VAV1: variants seen among roughly 807,000 people sequenced by gnomAD.
VAV1 encodes proto-oncogene vav.
VAV1 carries 33 observed loss-of-function variants against 128.1 expected under a neutral mutation model. That is an observed-to-expected ratio of 0.26 (90% CI 0.20 to 0.34). The LOEUF is 0.34. Among genes scored for constraint, VAV1 ranks in the 10% least tolerant of loss-of-function variants. VAV1 has a pLI of 1.00. For missense variants in VAV1, 715 were observed against 1,093.7 expected (o/e 0.65, Z 4.88); for synonymous variants, 394 against 409.8 (o/e 0.96, Z 0.47).
Position 6,854,066 on chromosome 19 carries a change from C to A in VAV1, c.2452C>A (p.Gln818Lys). Reference sequence around the variant, plus strand: ...CAAGATCCTTAACAAGAAGGGACAGCAAGGCTGGTGGCGAGGGGAGATCTA... The same window carrying A: ...CAAGATCCTTAACAAGAAGGGACAGAAAGGCTGGTGGCGAGGGGAGATCTA... ...IIKILNKKGQQGWWRGEIYGR... is the reference protein window; with the variant it reads ...IIKILNKKGQKGWWRGEIYGR... The change falls in exon 26 of 27, where the codon CAA becomes AAA. Residue 818 changes from glutamine to lysine, a missense_variant. Transcript: ENST00000602142. The A allele has an allele frequency of 6.2e-7, 1 of 1,613,684 alleles. No individual in the cohort carries two copies. The highest frequency in any genetic ancestry group is 8.5e-7 in the Non-Finnish European group (1 of 1,180,012).
intron 1 of VAV1, among the ~76,000 whole-genome samples, chr19:6,782,711 C>G (rs891483973): frequency 2.0e-5 from 3 of 152,002 alleles, no homozygotes; most frequent in African/African-American, 4.8e-5. Flanking sequence ...AGATCCCCAT[C>G]TCTACAAAAT....
At position 6,820,779 on chromosome 19, in the gene VAV1, C is replaced by T. The variant is rs760345050; in HGVS notation, c.282C>T (p.Phe94=). The T allele has an allele frequency of 3.6e-5, 58 of 1,614,078 alleles. No homozygotes were observed. The highest frequency in any genetic ancestry group is 4.2e-5 in the Non-Finnish European group (50 of 1,180,038). ...TCGGCCTCAAGCGGAGCGAGCTCTT[C>T]GAAGCCTTTGACCTCTTCGATGTGC... ...EKFGLKRSEL[F]EAFDLFDVQD... The change falls in exon 2 of 27, where the codon TTC becomes TTT. Residue 94 remains phenylalanine, a synonymous_variant. Coordinates refer to ENST00000602142, the MANE Select transcript of VAV1 (RefSeq NM_005428.4). The surrounding 1 kb of genome is among the most constrained non-coding windows in gnomAD (Gnocchi z 4.4).
In VAV1 at chr19:6,826,561, C is replaced by T. The variant is rs1599659852; in HGVS notation, c.828-51C>T. On this transcript the variant is annotated intron_variant, in intron 8 of 26. Coordinates refer to ENST00000602142, the MANE Select transcript of VAV1 (RefSeq NM_005428.4). This position sits in a 1 kb window ranked among gnomAD's most constrained non-coding sequence, Gnocchi z 4.1. ...GGCCAGGGCTGACGCCAGCCTCTGC[C>T]CGACCTTGATGCCAGTCACCTTTAC... 1 of 1,438,762 alleles carries T rather than the reference C, an allele frequency of 7.0e-7. No individual in the cohort carries two copies. The highest frequency in any genetic ancestry group is 9.5e-7 in the Non-Finnish European group (1 of 1,047,534). 89.1% of individuals were successfully genotyped at this position (1,438,762 alleles called of 1,614,324 possible).
chr19:6,851,126 A>G (rs908939377), intron 24 of VAV1, among the ~76,000 whole-genome samples: 5 of 151,922 alleles, frequency 3.3e-5, no homozygotes, highest in African/African-American at 1.2e-4. Flanking sequence ...TGTAGGGTAC[A>G]TGTATATACG....
chr19:6,775,966 G>C (rs1970611147), intron 1 of VAV1, among the ~76,000 whole-genome samples: 1 of 152,026 alleles, frequency 6.6e-6, no homozygotes, highest in African/African-American at 2.4e-5. Context: ...TGTTTCTTGG[G>C]AAGAGGGTGG....
chr19:6,848,986 G>T (rs1972597365), intron 23 of VAV1, among the ~76,000 whole-genome samples: 1 of 150,838 alleles, frequency 6.6e-6, no homozygotes, highest in African/African-American at 2.4e-5. Flanking sequence ...TAGAGACGAG[G>T]GTCTCTCCTT....
At chr19:6,833,798 A>T in intron 18 of VAV1, 65 bp downstream of exon 18, 1 of 1,613,882 alleles carries the variant, frequency 6.2e-7, no homozygotes, top group Non-Finnish European at 8.5e-7. Flanking sequence ...GGGAGGACCC[A>T]GGACATCCTG....
chr19:6,781,477 T>A (rs1970764865), intron 1 of VAV1, among the ~76,000 whole-genome samples: 1 of 152,214 alleles, frequency 6.6e-6, no homozygotes, highest in Non-Finnish European at 1.5e-5. Flanking sequence ...TTTCTCTTAT[T>A]CTGAGTGAAG....
chr19:6,836,506 C>T lies in VAV1; in HGVS notation c.1852C>T (p.Arg618Trp), dbSNP rs751523777. Reference sequence around the variant, plus strand: ...CCCTGGAGCCATTGGACCCTTTCTACGGCTCAACCCTGGAGACATTGTGGA... The same window carrying T: ...CCCTGGAGCCATTGGACCCTTTCTATGGCTCAACCCTGGAGACATTGTGGA... ...PPPGAIGPFL[R>W]LNPGDIVELT... Residue 618 changes from arginine to tryptophan, a missense_variant, in exon 20 of 27, where the codon CGG becomes TGG. Physicochemically the swap from Arg to Trp is moderately radical, Grantham distance 101. Transcript: ENST00000602142. The T allele has an allele frequency of 1.4e-5, 23 of 1,613,942 alleles. No individual in the cohort carries two copies. Among genetic ancestry groups the T allele is most frequent in the Middle Eastern group, 1.6e-4 (1 of 6,084 alleles).
At chr19:6,788,359 A>G (rs979881677) in intron 1 of VAV1, among the ~76,000 whole-genome samples, 2 of 92,646 alleles carry the variant, frequency 2.2e-5, no homozygotes, top group African/African-American at 8.7e-5. Flanking sequence ...TTTTATTATT[A>G]TTATTATTAT....
chr19:6,822,757 C>T lies in VAV1; in HGVS notation c.654+243C>T, dbSNP rs1971825725. ...ATAGGACACTGCCTGCAGGAGCAGT[C>T]AAAAAACCAAAAACAAACAAAATAA... On this transcript the variant is annotated intron_variant, in intron 6 of 26. Transcript: ENST00000602142. The surrounding 1 kb of genome is among the most constrained non-coding windows in gnomAD (Gnocchi z 5.9). Among the ~76,000 whole-genome samples, 1 of 146,736 alleles carries T rather than the reference C, an allele frequency of 6.8e-6. No homozygotes were observed.
At chr19:6,783,486 T>TTTTG (rs1970812515) in intron 1 of VAV1, among the ~76,000 whole-genome samples, 1 of 151,258 alleles carries the variant, frequency 6.6e-6, no homozygotes, top group African/African-American at 2.4e-5. Context: ...TTTTTTTTTT[T>TTTTG]TTTTTGAGAC....
In VAV1 at chr19:6,815,200, T is replaced by C. The variant is rs531038460; in HGVS notation, c.205-5502T>C. Among the ~76,000 whole-genome samples, 4 of 152,232 alleles carry C rather than the reference T, an allele frequency of 2.6e-5. No individual in the cohort carries two copies. In the South Asian group the frequency reaches 8.3e-4, roughly 32 times the overall value. ...TCTCATTGTGTTGCCTGGGCCGGAGTGCAGTGGTGCGATCATAGCTCACTG... is the reference window on the plus strand; with the variant it reads ...TCTCATTGTGTTGCCTGGGCCGGAGCGCAGTGGTGCGATCATAGCTCACTG... On this transcript the variant is annotated intron_variant, in intron 1 of 26. Transcript: ENST00000602142.
intron 22 of VAV1, among the ~76,000 whole-genome samples, chr19:6,845,705 A>T (rs1420974512): frequency 6.7e-6 from 1 of 149,130 alleles, no homozygotes; most frequent in African/African-American, 2.4e-5. Flanking sequence ...TGTTTATATT[A>T]TATTATACCA....
Position 6,829,839 on chromosome 19 carries a change from C to T in VAV1, c.1319C>T (p.Ser440Phe). 6.2e-7 allele frequency: 1 copy of T among 1,614,170 alleles called. No homozygotes were observed. Among genetic ancestry groups the T allele is most frequent in the Non-Finnish European group, 8.5e-7 (1 of 1,180,032 alleles). The stretch of plus-strand genomic sequence containing the variant: ...CTCATCTGTAAGCGCAGGGGAGACT[C>T]CTATGACCTCAAGGACTTTGTAAAC... Reference protein sequence around the residue: ...ALLICKRRGDSYDLKDFVNLH... With the variant: ...ALLICKRRGDFYDLKDFVNLH... Residue 440 changes from serine (S) to phenylalanine (F), a missense_variant, in exon 14 of 27, where the codon TCC becomes TTC. Transcript: ENST00000602142.
At chr19:6,796,898 C>A (rs944950994) in intron 1 of VAV1, among the ~76,000 whole-genome samples, 5 of 152,152 alleles carry the variant, frequency 3.3e-5, no homozygotes, top group African/African-American at 7.2e-5. Flanking sequence ...AGCTGTATCT[C>A]CAGCACCTAG....
intron 1 of VAV1, among the ~76,000 whole-genome samples, chr19:6,780,735 C>T (rs1970752011): frequency 6.7e-6 from 1 of 149,376 alleles, no homozygotes; most frequent in African/African-American, 2.4e-5. Flanking sequence ...CCACATCCGG[C>T]TAATTTTTTT....
chr19:6,853,231 C>T (rs896522525), intron 25 of VAV1, 152 bp downstream of exon 25: 2 of 243,458 alleles, frequency 8.2e-6, no homozygotes, highest in South Asian at 2.5e-4. Context: ...TCTATCCCTT[C>T]CTATATATAT....
At chr19:6,840,299 CTTTCTTTTT>C (rs1179806963) in intron 21 of VAV1, among the ~76,000 whole-genome samples, 11 of 127,766 alleles carry the variant, frequency 8.6e-5, no homozygotes, top group African/African-American at 2.9e-4. Flanking sequence ...TCAGAATTTT[CTTTCTTTTT>C]TTTTTTTTTT....
Sources: allele counts gnomAD v4.1 joint callset (sites outside exome capture counted in the v4.1 genomes callset), GRCh38; gene constraint gnomAD v4.1.1; non-coding constraint Gnocchi (gnomAD v3.1); transcripts MANE v1.5; gene names NCBI Gene and HGNC (gene_info 2026-07-23, HGNC 2026-07-21).